Variants in FOXN3 observed in about 807,000 individuals in gnomAD.
FOXN3 encodes forkhead box N3, also known as forkhead box protein N3.
A neutral mutation model predicts 38.4 loss-of-function variants in FOXN3; 7 were observed. The ratio of observed to expected loss-of-function variants is 0.18; its 90% CI spans 0.10 to 0.34. The LOEUF (loss-of-function observed/expected upper bound fraction) is 0.34. Among genes scored for constraint, FOXN3 ranks in the 10% least tolerant of loss-of-function variants. FOXN3 has a pLI of 1.00. For missense variants in FOXN3, 456 were observed against 613.4 expected, an observed-to-expected ratio of 0.74 and a Z score of 2.71; for synonymous variants, 230 against 242.2, an observed-to-expected ratio of 0.95 and a Z score of 0.47.
chr14:89,561,314 G>C (rs1895244720), intron 1 of FOXN3, among the ~76,000 whole-genome samples: 1 of 152,234 alleles, frequency 6.6e-6, no homozygotes, highest in Non-Finnish European at 1.5e-5. Context: ...CCAGGTTGAA[G>C]CAATTCTCTT....
chr14:89,602,254 A>G (rs1392212023), intron 1 of FOXN3, among the ~76,000 whole-genome samples: 1 of 151,000 alleles, frequency 6.6e-6, no homozygotes, highest in Non-Finnish European at 1.5e-5. Context: ...ACACCACTGC[A>G]CTCCAGCCTG....
chr14:89,256,356 G>A (rs1885620789), intron 4 of FOXN3, among the ~76,000 whole-genome samples: 3 of 152,206 alleles, frequency 2.0e-5, no homozygotes, highest in Admixed American at 6.5e-5. Flanking sequence ...TTGGACAGAT[G>A]ATTGATGAAC....
At chr14:89,343,627 G>GTTTTTTTTTTTTTTTTT (rs34453491) in intron 3 of FOXN3, among the ~76,000 whole-genome samples, 2 of 140,636 alleles carry the variant, frequency 1.4e-5, no homozygotes, top group African/African-American at 2.6e-5. Context: ...AATGTGTGTG[G>GTTTTTTTTTTTTTTTTT]TTTTTTTTTT....
At chr14:89,197,681 G>C (rs1293666900) in intron 4 of FOXN3, among the ~76,000 whole-genome samples, 1 of 152,152 alleles carries the variant, frequency 6.6e-6, no homozygotes, top group African/African-American at 2.4e-5. Flanking sequence ...ACCCAGCTTG[G>C]GGGAGAAGTA....
chr14:89,585,353 G>T (rs559252779), intron 1 of FOXN3, among the ~76,000 whole-genome samples: 1 of 152,208 alleles, frequency 6.6e-6, no homozygotes, highest in Admixed American at 6.5e-5. Flanking sequence ...TTTTTCTTCT[G>T]CCATTTCTAA....
rs1460500041 is a variant in FOXN3, at chr14:89,164,975, A to G, written c.852-2006T>C. On this transcript the variant is annotated intron_variant, in intron 5 of 5. Coordinates refer to ENST00000557258, the MANE Select transcript of FOXN3 (RefSeq NM_005197.4). The surrounding 1 kb of genome is among the most constrained non-coding windows in gnomAD (Gnocchi z 4.3). ...GGGCCGGTGGTATTTTGCTAAATTT[A>G]GGCTGGGGGAGAGACTCCGTACTGT... 6.6e-6 allele frequency among the ~76,000 whole-genome samples: 1 copy of G among 152,140 alleles called. No homozygotes were observed. Among genetic ancestry groups the G allele is most frequent in the Non-Finnish European group, 1.5e-5 (1 of 68,018 alleles).
At chr14:89,468,861 C>G (rs1414024417) in intron 1 of FOXN3, among the ~76,000 whole-genome samples, 1 of 152,114 alleles carries the variant, frequency 6.6e-6, no homozygotes, top group Non-Finnish European at 1.5e-5. Flanking sequence ...GAAAATCCAC[C>G]AGACATATTC....
At position 89,411,968 on chromosome 14, in the gene FOXN3, T is replaced by C; in HGVS notation, c.509A>G (p.Lys170Arg). ...NSVRHNLSLN[K>R]CFKKVDKERS... ...CTCTTTGTCCACTTTCTTAAAACACTTATTCAATGATAAATTGTGTCTCAC... is the reference window on the plus strand; with the variant it reads ...CTCTTTGTCCACTTTCTTAAAACACCTATTCAATGATAAATTGTGTCTCAC... The change falls in exon 2 of 6, where the codon AAG becomes AGG. Residue 170 changes from lysine to arginine, a missense_variant. Around this residue, in one of 3 missense-constraint regions of FOXN3, gnomAD observed 386 missense variants for 505.2 expected, o/e 0.76. Coordinates refer to ENST00000557258, the MANE Select transcript of FOXN3 (RefSeq NM_005197.4). 1 of 1,570,396 alleles carries C rather than the reference T, an allele frequency of 6.4e-7. No individual in the cohort carries two copies. Among genetic ancestry groups the C allele is most frequent in the Non-Finnish European group, 8.7e-7 (1 of 1,153,846 alleles).
intron 4 of FOXN3, among the ~76,000 whole-genome samples, chr14:89,195,476 A>G (rs995044366): frequency 6.6e-6 from 1 of 152,192 alleles, no homozygotes; most frequent in Non-Finnish European, 1.5e-5. Flanking sequence ...GATGCTTCGG[A>G]CCAAAGACAT....
chr14:89,342,309 C>G (rs1380598647), intron 3 of FOXN3, among the ~76,000 whole-genome samples: 1 of 152,166 alleles, frequency 6.6e-6, no homozygotes, highest in Non-Finnish European at 1.5e-5. Context: ...TATTCATGAG[C>G]TACCCCTGAT....
chr14:89,354,381 A>G (rs1213125355), intron 2 of FOXN3, among the ~76,000 whole-genome samples: 1 of 149,510 alleles, frequency 6.7e-6, no homozygotes, highest in Non-Finnish European at 1.5e-5. Flanking sequence ...ACCCGCCACC[A>G]CGCCCGGCTA....
Position 89,344,476 on chromosome 14 carries a change from A to G in FOXN3, c.680+6196T>C, listed in dbSNP as rs192953918. Among the ~76,000 whole-genome samples the G allele has an allele frequency of 5.7e-4, 87 of 152,298 alleles. 1 individual carries two copies. The highest frequency in any genetic ancestry group is 2.0e-3 in the African/African-American group (83 of 41,564). On this transcript the variant is annotated intron_variant, in intron 3 of 5. Coordinates refer to ENST00000557258, the MANE Select transcript of FOXN3 (RefSeq NM_005197.4). ...GATTAAATGCAAAACCTGTTCTCCA[A>G]CCATGGTGAGAGAGGATTAAAATGT...
At chr14:89,404,299 G>C (rs564899738) in intron 2 of FOXN3, among the ~76,000 whole-genome samples, 1 of 151,918 alleles carries the variant, frequency 6.6e-6, no homozygotes, top group African/African-American at 2.4e-5. Context: ...CACAAGGTCA[G>C]GAGTTCGAGA....
In FOXN3 at chr14:89,179,140, C is replaced by T. The variant is rs534352357; in HGVS notation, c.851+1561G>A. On this transcript the variant is annotated intron_variant, in intron 5 of 5. Transcript: ENST00000557258. The stretch of plus-strand genomic sequence containing the variant: ...ACCTGAGAGTAGCCAGGAAAGATAC[C>T]GGGGAGGTACAAGAAAAACCTTTCC... 1.8e-3 allele frequency among the ~76,000 whole-genome samples: 281 copies of T among 152,238 alleles called. 1 individual carries two copies. The highest frequency in any genetic ancestry group is 3.5e-3 in the South Asian group (17 of 4,822).
intron 1 of FOXN3, among the ~76,000 whole-genome samples, chr14:89,608,394 C>G (rs897133309): frequency 4.6e-5 from 7 of 152,292 alleles, no homozygotes; most frequent in Non-Finnish European, 1.0e-4. Context: ...CCCGCCTCGG[C>G]CTCCCAAAGT....
chr14:89,228,004 T>C (rs1405262578), intron 4 of FOXN3, among the ~76,000 whole-genome samples: 5 of 152,116 alleles, frequency 3.3e-5, no homozygotes, highest in Admixed American at 1.3e-4. Context: ...CCCCCCAAAG[T>C]GCTAGTATCA....
chr14:89,523,173 T>C (rs1566685694), intron 1 of FOXN3, among the ~76,000 whole-genome samples: 1 of 152,276 alleles, frequency 6.6e-6, no homozygotes, highest in East Asian at 1.9e-4. Context: ...ATAACAACCC[T>C]AAATGTCTAG....
chr14:89,376,115 T>C (rs1386284066), intron 2 of FOXN3, among the ~76,000 whole-genome samples: 1 of 152,160 alleles, frequency 6.6e-6, no homozygotes, highest in African/African-American at 2.4e-5. Context: ...CATTCTCCAC[T>C]GAAAGGAATC....
chr14:89,292,413 C>T (rs1385522635), intron 3 of FOXN3, among the ~76,000 whole-genome samples: 3 of 152,196 alleles, frequency 2.0e-5, no homozygotes, highest in African/African-American at 4.8e-5. Flanking sequence ...CCAGGGGTCA[C>T]CTGGGTCCCC....
Sources: allele counts gnomAD v4.1 joint callset (sites outside exome capture counted in the v4.1 genomes callset), GRCh38; gene constraint gnomAD v4.1.1; regional missense constraint gnomAD v4.1.1; non-coding constraint Gnocchi (gnomAD v3.1); transcripts MANE v1.5; gene names NCBI Gene and HGNC (gene_info 2026-07-23, HGNC 2026-07-21).